The following STK24 variants were observed in gnomAD, a reference collection of about 807,000 sequenced individuals.
The protein encoded by STK24 is serine/threonine kinase 24.
A neutral mutation model predicts 55.6 loss-of-function variants in STK24; 21 were observed. The ratio of observed to expected loss-of-function variants is 0.38; its 90% CI spans 0.27 to 0.54. The LOEUF (loss-of-function observed/expected upper bound fraction) is 0.54, where lower values mean the gene tolerates loss of function less well. Among genes scored for constraint, STK24 ranks in the 20% least tolerant of loss-of-function variants. The pLI is 0.79. For synonymous variants in STK24, 200 were observed against 215.2 expected (o/e 0.93, Z 0.62); for missense variants, 383 against 538.4 (o/e 0.71, Z 2.86).
chr13:98,459,576 G>A (rs557436824), intron 9 of STK24, among the ~76,000 whole-genome samples: 1 of 152,346 alleles, frequency 6.6e-6, no homozygotes, highest in South Asian at 2.1e-4. Flanking sequence ...CGCAGGCACA[G>A]GGGAGGAGAA....
At chr13:98,462,575 C>G (rs1366601208) in intron 7 of STK24, among the ~76,000 whole-genome samples, 1 of 152,084 alleles carries the variant, frequency 6.6e-6, no homozygotes, top group Non-Finnish European at 1.5e-5. Context: ...ACAGGCGGAG[C>G]CTCACCCTCA....
At chr13:98,561,428 C>G (rs1897415438) in intron 1 of STK24, among the ~76,000 whole-genome samples, 1 of 151,854 alleles carries the variant, frequency 6.6e-6, no homozygotes, top group African/African-American at 2.4e-5. Flanking sequence ...ACCAAAAATA[C>G]AAGCATTAGC....
At chr13:98,565,863 C>T (rs1049089510) in intron 1 of STK24, among the ~76,000 whole-genome samples, 1 of 152,196 alleles carries the variant, frequency 6.6e-6, no homozygotes, top group African/African-American at 2.4e-5. Flanking sequence ...ACCCACAATC[C>T]TAAATTCCAG....
chr13:98,556,316 C>A (rs941394334), intron 1 of STK24, among the ~76,000 whole-genome samples: 2 of 152,216 alleles, frequency 1.3e-5, no homozygotes, highest in Admixed American at 1.3e-4. Flanking sequence ...CTTTGTCCCC[C>A]AGGATCACAT....
chr13:98,527,166 A>G lies in STK24; in HGVS notation c.43-7693T>C, dbSNP rs1391229878. ...CCACTGAGAATAACTGAAAAATCAG[A>G]GGGCCCATGTATGTGTGCACACAGC... is the stretch of plus-strand genomic sequence containing the variant. On this transcript the variant is annotated intron_variant, in intron 1 of 10. Transcript: ENST00000539966. Among the ~76,000 whole-genome samples the G allele has an allele frequency of 3.9e-5, 6 of 152,268 alleles. No homozygotes were observed. In the East Asian group the frequency reaches 1.2e-3, roughly 29 times the overall value.
intron 1 of STK24, among the ~76,000 whole-genome samples, chr13:98,522,505 T>C (rs755101325): frequency 2.0e-5 from 3 of 152,234 alleles, no homozygotes; most frequent in Admixed American, 6.5e-5. Context: ...CTCACGTACA[T>C]GACAGCTTTC....
intron 3 of STK24, among the ~76,000 whole-genome samples, chr13:98,479,679 T>C (rs1894512930): frequency 2.0e-5 from 3 of 152,202 alleles, no homozygotes; most frequent in African/African-American, 7.2e-5. Flanking sequence ...GCCCCAGGCA[T>C]CTGTAAATTT....
chr13:98,553,008 C>T (rs1164790915), intron 1 of STK24, among the ~76,000 whole-genome samples: 3 of 152,218 alleles, frequency 2.0e-5, no homozygotes, highest in East Asian at 1.9e-4. Context: ...CTGTGACAAA[C>T]GTACCACTCT....
Position 98,466,523 on chromosome 13 carries a change from A to G in STK24, c.636T>C (p.Leu212=). 6.2e-7 allele frequency: 1 copy of G among 1,614,080 alleles called. No homozygotes were observed. The highest frequency in any genetic ancestry group is 8.5e-7 in the Non-Finnish European group (1 of 1,180,028). The part of the protein sequence containing the change: ...IWSLGITAIE[L]ARGEPPHSEL... ...CGGAATGAGGTGGTTCCCCTCTTGCAAGTTCAATAGCTGTTATGCCCAGGG... is the reference window on the plus strand; with the variant it reads ...CGGAATGAGGTGGTTCCCCTCTTGCGAGTTCAATAGCTGTTATGCCCAGGG... Residue 212 remains leucine, a synonymous_variant, in exon 6 of 11, where the codon CTT becomes CTC. Coordinates refer to ENST00000539966, the MANE Select transcript of STK24 (RefSeq NM_001032296.4).
chr13:98,518,792 AAGCT>A (rs1413762507), intron 2 of STK24, among the ~76,000 whole-genome samples: 1 of 152,234 alleles, frequency 6.6e-6, no homozygotes, highest in Admixed American at 6.5e-5. Flanking sequence ...AAGCGTAGAT[AAGCT>A]AGCTAACTAA....
At chr13:98,525,331 C>T (rs915824944) in intron 1 of STK24, among the ~76,000 whole-genome samples, 1 of 152,184 alleles carries the variant, frequency 6.6e-6, no homozygotes, top group South Asian at 2.1e-4. Flanking sequence ...CCCCACAGCC[C>T]GTGCCTGAAA....
chr13:98,537,411 C>T (rs1046429750), intron 1 of STK24, among the ~76,000 whole-genome samples: 4 of 152,234 alleles, frequency 2.6e-5, no homozygotes, highest in South Asian at 4.1e-4. Flanking sequence ...GCCCGGCACA[C>T]GGGAGACCTC....
intron 7 of STK24, among the ~76,000 whole-genome samples, chr13:98,463,465 AC>A (rs1199148269): frequency 6.6e-6 from 1 of 152,178 alleles, no homozygotes; most frequent in Non-Finnish European, 1.5e-5. Flanking sequence ...TTCCCCATGC[AC>A]AGCTCTACCA....
At chr13:98,457,401 C>T (rs1050030182) in intron 9 of STK24, 97 bp from the exon 10 acceptor site, 18 of 1,573,732 alleles carry the variant, frequency 1.1e-5, no homozygotes, top group African/African-American at 4.0e-5. Flanking sequence ...TGGACCACGA[C>T]ACTACCCCAG....
intron 3 of STK24, among the ~76,000 whole-genome samples, chr13:98,478,895 G>A (rs556046704): frequency 1.3e-5 from 2 of 152,074 alleles, no homozygotes; most frequent in East Asian, 1.9e-4. Context: ...CACCTCCCTC[G>A]CCTGCATTGT....
intron 1 of STK24, among the ~76,000 whole-genome samples, chr13:98,537,645 G>C (rs577784244): frequency 6.6e-6 from 1 of 152,130 alleles, no homozygotes; most frequent in Non-Finnish European, 1.5e-5. Context: ...ACGTGCACCC[G>C]TAAGTACAGA....
intron 1 of STK24, among the ~76,000 whole-genome samples, chr13:98,519,956 G>A (rs1475212379): frequency 1.3e-5 from 2 of 152,102 alleles, no homozygotes; most frequent in African/African-American, 4.8e-5. Context: ...CCGTAACTAT[G>A]CATCTTCATG....
chr13:98,526,305 T>C (rs1250445779), intron 1 of STK24, among the ~76,000 whole-genome samples: 2 of 152,192 alleles, frequency 1.3e-5, no homozygotes, highest in Non-Finnish European at 2.9e-5. Flanking sequence ...CCCCCTGCAG[T>C]GCACACAGCG....
intron 2 of STK24, among the ~76,000 whole-genome samples, chr13:98,498,384 G>C (rs1201217711): frequency 6.6e-6 from 1 of 152,226 alleles, no homozygotes. Context: ...TGTGGCTGGA[G>C]GGAAAGTCTC....
Sources: allele counts gnomAD v4.1 joint callset (sites outside exome capture counted in the v4.1 genomes callset), GRCh38; gene constraint gnomAD v4.1.1; transcripts MANE v1.5; gene names NCBI Gene and HGNC (gene_info 2026-07-23, HGNC 2026-07-21).